The following KDSR variants were observed in gnomAD, a reference collection of about 807,000 sequenced individuals.
The protein encoded by KDSR is 3-ketodihydrosphingosine reductase, also known as 3-dehydrosphinganine reductase.
Under a neutral mutation model 41.3 loss-of-function variants are expected in KDSR, and 23 were observed. That is an observed-to-expected ratio of 0.56 (90% CI 0.40 to 0.79). KDSR has a LOEUF of 0.79. KDSR is among the 30% of genes least tolerant of loss of function. KDSR has a pLI of 0.00. For synonymous variants in KDSR, 138 were observed against 151.7 expected, an observed-to-expected ratio of 0.91 and a Z score of 0.66; for missense variants, 351 against 416.8, an observed-to-expected ratio of 0.84 and a Z score of 1.37.
At chr18:63,333,028 A>G (rs2144345734) in intron 9 of KDSR, among the ~76,000 whole-genome samples, 1 of 152,100 alleles carries the variant, frequency 6.6e-6, no homozygotes, top group South Asian at 2.1e-4. Flanking sequence ...GAAAAAAAAG[A>G]GCCTGGAAAG....
At chr18:63,362,707 G>A (rs1054969580) in intron 2 of KDSR, 72 bp downstream of exon 2, 3 of 1,019,784 alleles carry the variant, frequency 2.9e-6, no homozygotes, top group African/African-American at 3.2e-5. Flanking sequence ...ATGCTAAGAT[G>A]TTTAGCACAG....
chr18:63,349,870 T>C (rs557793951), intron 6 of KDSR, among the ~76,000 whole-genome samples: 2 of 152,384 alleles, frequency 1.3e-5, no homozygotes, highest in Non-Finnish European at 2.9e-5. Context: ...CCTGCTATCA[T>C]AGCCTACTTA....
rs1030938622 is a variant in KDSR, at chr18:63,331,584, T to C, written c.*198A>G. The C allele has an allele frequency of 4.3e-5, 20 of 468,280 alleles. No homozygotes were observed. The highest frequency in any genetic ancestry group is 7.2e-5 in the Non-Finnish European group (19 of 264,806). The allele number at this position is 468,280 out of a possible 1,614,324, so 29.0% of individuals were successfully genotyped here. A position where few individuals can be genotyped will look rare whatever the true frequency, so the allele number is the denominator to read the frequency against. On this transcript the variant is annotated 3_prime_UTR_variant, in exon 10 of 10. Transcript: ENST00000645214. ...GAAAATCAAATGGTCTCCTATTCCA[T>C]ATTTGCATAGTATTAATAATACTGT...
intron 8 of KDSR, among the ~76,000 whole-genome samples, chr18:63,336,677 AG>A (rs1914168305): frequency 6.6e-6 from 1 of 152,240 alleles, no homozygotes. Flanking sequence ...TCAAAGTACA[AG>A]ACGGACCAAT....
chr18:63,355,350 T>C (rs1300128234), intron 4 of KDSR, 51 bp from the exon 5 acceptor site: 1 of 1,606,212 alleles, frequency 6.2e-7, no homozygotes, highest in African/African-American at 1.3e-5. Flanking sequence ...GAAAAACCAC[T>C]CAGCAGCAAA....
intron 3 of KDSR, among the ~76,000 whole-genome samples, chr18:63,358,939 G>A (rs1354591779): frequency 6.6e-6 from 1 of 151,500 alleles, no homozygotes; most frequent in African/African-American, 2.4e-5. Context: ...AGCACTTTGG[G>A]AGGCAGAGGT....
intron 8 of KDSR, among the ~76,000 whole-genome samples, chr18:63,337,728 A>G: frequency 1.3e-5 from 2 of 152,176 alleles, no homozygotes. Flanking sequence ...GGAGTTCGAG[A>G]CCAGCCTGGC....
Position 63,362,825 on chromosome 18 carries a change from T to G in KDSR, c.152A>C (p.Glu51Ala). ...SSGIGKCIAI[E>A]CYKQGAFITL... The stretch of plus-strand genomic sequence containing the variant: ...TATAAAAGCTCCTTGTTTATAGCAC[T>G]CGATAGCAATGCACTTCCCGATGCC... Residue 51 changes from glutamate (E) to alanine (A), a missense_variant, in exon 2 of 10, where the codon GAG becomes GCG. Glu to Ala is a moderately radical substitution (Grantham distance 107). Coordinates refer to ENST00000645214, the MANE Select transcript of KDSR (RefSeq NM_002035.4). 1.2e-6 allele frequency: 2 copies of G among 1,613,982 alleles called. No individual in the cohort carries two copies. Among genetic ancestry groups the G allele is most frequent in the Non-Finnish European group, 1.7e-6 (2 of 1,179,854 alleles).
chr18:63,343,012 G>A (rs1914390530), intron 7 of KDSR, among the ~76,000 whole-genome samples: 1 of 152,102 alleles, frequency 6.6e-6, no homozygotes, highest in Admixed American at 6.5e-5. Flanking sequence ...CTCCGACCAC[G>A]TAAGACGTAC....
chr18:63,363,219 CTTTT>C (rs1185123481), intron 1 of KDSR, among the ~76,000 whole-genome samples: 2 of 111,458 alleles, frequency 1.8e-5, no homozygotes, highest in Non-Finnish European at 3.9e-5. Context: ...TTTTTTTTTT[CTTTT>C]TTTTTTTTTT....
At chr18:63,358,204 T>C (rs1914858344) in intron 3 of KDSR, among the ~76,000 whole-genome samples, 1 of 151,690 alleles carries the variant, frequency 6.6e-6, no homozygotes, top group Non-Finnish European at 1.5e-5. Flanking sequence ...AATAATAATA[T>C]TGAGTGAAGA....
At chr18:63,361,280 CATTTCT>C (rs1914980079) in intron 2 of KDSR, among the ~76,000 whole-genome samples, 1 of 138,526 alleles carries the variant, frequency 7.2e-6, no homozygotes, top group East Asian at 2.4e-4. Flanking sequence ...TCAGTTCATT[CATTTCT>C]AGCAATGCAA....
intron 2 of KDSR, among the ~76,000 whole-genome samples, chr18:63,361,050 T>A (rs1400986761): frequency 5.7e-5 from 7 of 121,810 alleles, no homozygotes; most frequent in African/African-American, 1.3e-4. Context: ...AATATATATT[T>A]TATATATATG....
chr18:63,342,864 TGGA>T (rs1467580241), intron 7 of KDSR, among the ~76,000 whole-genome samples: 1 of 152,152 alleles, frequency 6.6e-6, no homozygotes, highest in Non-Finnish European at 1.5e-5. Context: ...TCCCCAATGT[TGGA>T]GGAGGGACCT....
intron 6 of KDSR, among the ~76,000 whole-genome samples, chr18:63,350,523 T>G (rs1205722027): frequency 1.3e-5 from 2 of 152,252 alleles, no homozygotes; most frequent in African/African-American, 4.8e-5. Context: ...TCACGTATTA[T>G]TCAGTCATAA....
chr18:63,332,823 C>G (rs1482928780), intron 9 of KDSR, among the ~76,000 whole-genome samples: 1 of 123,706 alleles, frequency 8.1e-6, no homozygotes, highest in Non-Finnish European at 1.7e-5. Context: ...CAGAGCAAGA[C>G]TCCGTCTCAA....
At chr18:63,335,077 A>G (rs1914116348) in intron 9 of KDSR, among the ~76,000 whole-genome samples, 180 bp downstream of exon 9, 1 of 152,218 alleles carries the variant, frequency 6.6e-6, no homozygotes, top group South Asian at 2.1e-4. Context: ...CTGAAGTTAT[A>G]TCTTTAACCT....
intron 7 of KDSR, among the ~76,000 whole-genome samples, chr18:63,342,980 T>C (rs1294014539): frequency 6.6e-6 from 1 of 152,096 alleles, no homozygotes; most frequent in African/African-American, 2.4e-5. Context: ...GTGTGGCACC[T>C]CCCCTCTCTC....
chr18:63,335,025 C>T (rs528153049), intron 9 of KDSR, among the ~76,000 whole-genome samples: 1 of 152,362 alleles, frequency 6.6e-6, no homozygotes, highest in South Asian at 2.1e-4. Context: ...ATTTCTCTAT[C>T]TGCAAGGCCC....
Sources: allele counts gnomAD v4.1 joint callset (sites outside exome capture counted in the v4.1 genomes callset), GRCh38; gene constraint gnomAD v4.1.1; transcripts MANE v1.5; gene names NCBI Gene and HGNC (gene_info 2026-07-23, HGNC 2026-07-21).